The following INTS7 variants were observed in gnomAD, a reference collection of about 807,000 sequenced individuals.
INTS7 encodes the protein integrator complex subunit 7, also known as chromosome 1 open reading frame 73.
A neutral mutation model predicts 109.2 loss-of-function variants in INTS7; 46 were observed. The observed-to-expected ratio is 0.42, with a 90% CI of 0.33 to 0.54. The LOEUF is 0.54. Ranked by LOEUF, INTS7 falls within the 20% of genes least tolerant of loss-of-function variation. The pLI, the probability that INTS7 is intolerant of heterozygous loss-of-function variation, is 0.07. For synonymous variants in INTS7, 412 were observed against 402.9 expected (o/e 1.02, Z -0.27); for missense variants, 929 against 1,132.4 (o/e 0.82, Z 2.58).
chr1:212,019,943 A>G (rs1429955344), intron 3 of INTS7, among the ~76,000 whole-genome samples, 179 bp downstream of exon 3: 3 of 152,178 alleles, frequency 2.0e-5, no homozygotes, highest in Non-Finnish European at 4.4e-5. Context: ...GTTAACACAG[A>G]TGTTAACTAA....
chr1:211,970,775 A>T (rs766494454), intron 13 of INTS7, among the ~76,000 whole-genome samples: 1 of 152,208 alleles, frequency 6.6e-6, no homozygotes, highest in Non-Finnish European at 1.5e-5. Context: ...AGAAAAATGT[A>T]TGGCAATAGG....
At chr1:211,963,002 C>T (rs1331526523) in intron 16 of INTS7, among the ~76,000 whole-genome samples, 1 of 151,818 alleles carries the variant, frequency 6.6e-6, no homozygotes, top group Non-Finnish European at 1.5e-5. Flanking sequence ...AGCTAGAAGA[C>T]AAGAAATAAT....
chr1:211,967,985 T>TAA lies in INTS7; in HGVS notation c.2011-6_2011-5dup. 5.5e-6 allele frequency: 8 copies of TAA among 1,462,598 alleles called. No individual in the cohort carries two copies. The highest frequency in any genetic ancestry group is 3.7e-5 in the South Asian group (3 of 80,976). 90.6% of individuals were successfully genotyped at this position (1,462,598 alleles called of 1,614,324 possible). Reference sequence around the variant, plus strand: ...ATTCTTCCATGGACTGTTTCATCTATAAAAAAAAATCAATTATGACAAACA... The same window carrying TAA: ...ATTCTTCCATGGACTGTTTCATCTATAAAAAAAAAAATCAATTATGACAAACA... On this transcript the variant is annotated splice_polypyrimidine_tract_variant and splice_region_variant and intron_variant, in intron 14 of 19. Coordinates refer to ENST00000366994, the MANE Select transcript of INTS7 (RefSeq NM_015434.4).
rs1326197301 is a variant in INTS7 at position 211,942,182 on chromosome 1, T to C, written c.2602-71A>G. ...TCAGTGCTTACTATGAGTTAGGCCC[T>C]GTTCTAAGAGCTTATTTAGACCATG... On this transcript the variant is annotated intron_variant, in intron 19 of 19. Transcript: ENST00000366994. This position sits in a 1 kb window ranked among gnomAD's most constrained non-coding sequence, Gnocchi z 4.2. 1.1e-5 allele frequency: 16 copies of C among 1,510,984 alleles called. No individual in the cohort carries two copies. Among genetic ancestry groups the C allele is most frequent in the African/African-American group, 1.4e-5 (1 of 72,646 alleles). The allele number at this position is 1,510,984 out of a possible 1,614,324, so 93.6% of individuals were successfully genotyped here. A position where few individuals can be genotyped will look rare whatever the true frequency, so the allele number is the denominator to read the frequency against.
intron 10 of INTS7, among the ~76,000 whole-genome samples, chr1:211,980,328 T>A (rs76437654): frequency 6.6e-6 from 1 of 152,242 alleles, no homozygotes; most frequent in Non-Finnish European, 1.5e-5. Context: ...CCAATGTTTA[T>A]CTAACAGTTT....
At chr1:212,009,248 T>A (rs547093601) in intron 5 of INTS7, among the ~76,000 whole-genome samples, 1 of 152,212 alleles carries the variant, frequency 6.6e-6, no homozygotes, top group Admixed American at 6.5e-5. Context: ...TCTTTCAGAT[T>A]TTTTTAAGAT....
chr1:212,000,489 C>T (rs1445766555), intron 7 of INTS7, among the ~76,000 whole-genome samples: 1 of 152,090 alleles, frequency 6.6e-6, no homozygotes, highest in African/African-American at 2.4e-5. Flanking sequence ...AGCACAACCC[C>T]AACCCTACAA....
intron 7 of INTS7, among the ~76,000 whole-genome samples, chr1:211,994,545 TC>T (rs1213569896): frequency 1.3e-5 from 2 of 151,436 alleles, no homozygotes; most frequent in East Asian, 3.9e-4. Flanking sequence ...TGCCTCGGCC[TC>T]CTGAGTAGCT....
intron 7 of INTS7, among the ~76,000 whole-genome samples, chr1:211,994,308 C>T (rs1374287237): frequency 1.3e-5 from 2 of 151,866 alleles, no homozygotes; most frequent in Admixed American, 6.6e-5. Context: ...TTTTCCCCTG[C>T]TGTATTTCAG....
At position 211,968,330 on chromosome 1, in the gene INTS7, A is replaced by C. The variant is rs77362762; in HGVS notation, c.2010+183T>G. 0.026 allele frequency among the ~76,000 whole-genome samples: 3,969 copies of C among 152,338 alleles called. 59 individuals carry two copies. Among genetic ancestry groups the C allele is most frequent in the African/African-American group, 0.046 (1,909 of 41,568 alleles). ...TAAATATGTAGCACCCATTGAGATA[A>C]CATGAATCACTTTATCTTTCTAATA... On this transcript the variant is annotated intron_variant, in intron 14 of 19. Coordinates refer to ENST00000366994, the MANE Select transcript of INTS7 (RefSeq NM_015434.4).
chr1:211,968,678 G>C lies in INTS7; in HGVS notation c.1845C>G (p.Ser615Arg). ...TGAGTTTTACAAATTCACACTGAAAGCTTAAAGGATTCAGTGGTGTACTAG... is the reference window on the plus strand; with the variant it reads ...TGAGTTTTACAAATTCACACTGAAACCTTAAAGGATTCAGTGGTGTACTAG... ...TAASTPLNPL[S>R]FQCEFVKLRI... is the part of the protein sequence containing the mutation. Residue 615 changes from serine (S) to arginine (R), a missense_variant, in exon 14 of 20, where the codon AGC becomes AGG. Physicochemically the swap from Ser to Arg is moderately radical, Grantham distance 110 (BLOSUM62 -1). This residue lies in a region of INTS7 where 787 missense variants were observed against 901.1 expected (regional missense o/e 0.87). Transcript: ENST00000366994. The C allele has an allele frequency of 6.2e-7, 1 of 1,610,098 alleles. No individual in the cohort carries two copies. The highest frequency in any genetic ancestry group is 8.5e-7 in the Non-Finnish European group (1 of 1,178,730).
intron 1 of INTS7, among the ~76,000 whole-genome samples, chr1:212,022,921 A>C (rs1422257564): frequency 6.6e-6 from 1 of 152,096 alleles, no homozygotes; most frequent in Non-Finnish European, 1.5e-5. Context: ...TACTTTTAAA[A>C]GTCCCCAGTG....
chr1:212,018,879 C>T (rs1392219215), intron 3 of INTS7, among the ~76,000 whole-genome samples: 1 of 152,110 alleles, frequency 6.6e-6, no homozygotes, highest in Non-Finnish European at 1.5e-5. Context: ...TACATATATT[C>T]ACCAACTTTT....
Position 211,968,718 on chromosome 1 carries a change from A to C in INTS7, c.1816-11T>G, listed in dbSNP as rs1664022967. On this transcript the variant is annotated splice_polypyrimidine_tract_variant and intron_variant, in intron 13 of 19. Coordinates refer to ENST00000366994, the MANE Select transcript of INTS7 (RefSeq NM_015434.4). ...TGGTGTACTAGCTGCCTGGGAAAAAAAAAAAAAAGAGATATTTAAGACAAA... is the reference window on the plus strand; with the variant it reads ...TGGTGTACTAGCTGCCTGGGAAAAACAAAAAAAAGAGATATTTAAGACAAA... 1 of 1,593,214 alleles carries C rather than the reference A, an allele frequency of 6.3e-7. No homozygotes were observed. The highest frequency in any genetic ancestry group is 1.4e-5 in the African/African-American group (1 of 73,170).
chr1:212,004,405 T>C (rs186356240), intron 7 of INTS7, among the ~76,000 whole-genome samples: 20 of 152,208 alleles, frequency 1.3e-4, no homozygotes, highest in East Asian at 7.7e-4. Flanking sequence ...CATAAAGATA[T>C]ATAAAGATTG....
intron 7 of INTS7, among the ~76,000 whole-genome samples, chr1:212,001,067 T>C (rs1283045415): frequency 6.3e-4 from 21 of 33,396 alleles, no homozygotes; most frequent in African/African-American, 1.6e-3. Context: ...AGAATTCCTT[T>C]TTTTTTTTTT....
intron 3 of INTS7, among the ~76,000 whole-genome samples, chr1:212,019,100 A>G (rs1666577293): frequency 6.6e-6 from 1 of 152,122 alleles, no homozygotes; most frequent in Non-Finnish European, 1.5e-5. Flanking sequence ...AAGTAAAAAA[A>G]GATAGTTGAG....
chr1:212,020,032 T>G, intron 3 of INTS7, 90 bp downstream of exon 3: 1 of 934,492 alleles, frequency 1.1e-6, no homozygotes, highest in Non-Finnish European at 1.5e-6. Context: ...CTCCTAATAC[T>G]CAAAATGAAA....
In INTS7 at chr1:211,988,019, G is replaced by T. The variant is rs996180696; in HGVS notation, c.880-16C>A. On this transcript the variant is annotated splice_polypyrimidine_tract_variant and intron_variant, in intron 7 of 19. Transcript: ENST00000366994. The stretch of plus-strand genomic sequence containing the variant: ...CACAAAGTGCCTGGAATGCAGAAGA[G>T]AAATGAATATAGAAGTTAAAACATC... 7 of 1,278,864 alleles carry T rather than the reference G, an allele frequency of 5.5e-6. No individual in the cohort carries two copies. Among genetic ancestry groups the T allele is most frequent in the Non-Finnish European group, 7.9e-6 (7 of 881,738 alleles). The allele number at this position is 1,278,864 out of a possible 1,614,324, so 79.2% of individuals were successfully genotyped here.
Sources: gnomAD v4.1 joint callset for allele counts (sites outside exome capture counted in the v4.1 genomes callset) on GRCh38, gnomAD v4.1.1 for gene constraint, gnomAD v4.1.1 regional missense constraint, Gnocchi (gnomAD v3.1) non-coding constraint, MANE v1.5 for transcripts, NCBI Gene and HGNC (gene_info 2026-07-23, HGNC 2026-07-21) for gene names.